Variants in CADPS2 observed in about 807,000 individuals in gnomAD.
The protein encoded by CADPS2 is calcium-dependent secretion activator 2.
CADPS2 carries 93 observed loss-of-function variants against 172.5 expected under a neutral mutation model. That is an observed-to-expected ratio of 0.54 (90% CI 0.46 to 0.64). The LOEUF is 0.64. Ranked by LOEUF, CADPS2 falls within the 30% of genes least tolerant of loss-of-function variation. The pLI is 0.00. For missense variants in CADPS2, 1,420 were observed against 1,565.9 expected (o/e 0.91, Z 1.57); for synonymous variants, 546 against 555.2 (o/e 0.98, Z 0.23).
intron 20 of CADPS2, among the ~76,000 whole-genome samples, chr7:122,398,737 C>CTT (rs1554494767): frequency 2.3e-5 from 3 of 129,768 alleles, no homozygotes; most frequent in Non-Finnish European, 3.3e-5. Context: ...GGAAAACACT[C>CTT]TTCTCTCTCT....
intron 2 of CADPS2, among the ~76,000 whole-genome samples, chr7:122,696,792 A>G (rs2085176562): frequency 6.6e-6 from 1 of 152,176 alleles, no homozygotes; most frequent in Non-Finnish European, 1.5e-5. Flanking sequence ...TATAATTGGG[A>G]AAAACAGTCA....
chr7:122,867,154 C>T (rs1363967462), intron 1 of CADPS2, among the ~76,000 whole-genome samples: 1 of 152,150 alleles, frequency 6.6e-6, no homozygotes, highest in Non-Finnish European at 1.5e-5. Context: ...AAAATAACCA[C>T]TGACACCAAA....
At chr7:122,579,793 T>C (rs35147547) in intron 7 of CADPS2, among the ~76,000 whole-genome samples, 21,978 of 151,970 alleles carry the variant, frequency 0.14, 1,965 homozygotes, top group African/African-American at 0.25. Context: ...CATGACTGAA[T>C]GAGCAGTAAC....
At chr7:122,389,979 C>G (rs1162401230) in intron 22 of CADPS2, among the ~76,000 whole-genome samples, 1 of 151,996 alleles carries the variant, frequency 6.6e-6, no homozygotes, top group Non-Finnish European at 1.5e-5. Flanking sequence ...AAAGGCACCT[C>G]TTGCTCTTGA....
rs368001118 is a variant in CADPS2 at position 122,737,127 on chromosome 7, TATTA to T, written c.340-63_340-60del. 99 of 832,048 alleles carry T rather than the reference TATTA, an allele frequency of 1.2e-4. No individual in the cohort carries two copies. The African/African-American group carries it at 1.3e-3, about 11-fold the overall frequency. 51.5% of individuals were successfully genotyped at this position (832,048 alleles called of 1,614,324 possible). A position where few individuals can be genotyped will look rare whatever the true frequency, so the allele number is the denominator to read the frequency against. Reference sequence around the variant, plus strand: ...GGCCAGTACATGAAAAAATAATGACTATTAAAAATCATATTTGCTGTATATTAGA... The same window carrying T: ...GGCCAGTACATGAAAAAATAATGACTAAAATCATATTTGCTGTATATTAGA... On this transcript the variant is annotated intron_variant, in intron 1 of 29. Coordinates refer to ENST00000449022, the MANE Select transcript of CADPS2 (RefSeq NM_017954.11).
At position 122,731,209 on chromosome 7, in the gene CADPS2, T is replaced by C. The variant is rs141590157; in HGVS notation, c.453+5746A>G. On this transcript the variant is annotated intron_variant, in intron 2 of 29. Coordinates refer to ENST00000449022, the MANE Select transcript of CADPS2 (RefSeq NM_017954.11). ...AAACAGTAAGAAAACTATACATCCTTTCTGAAAAGTTGTGAACAAAGCCAA... is the reference window on the plus strand; with the variant it reads ...AAACAGTAAGAAAACTATACATCCTCTCTGAAAAGTTGTGAACAAAGCCAA... 8.1e-3 allele frequency among the ~76,000 whole-genome samples: 1,234 copies of C among 151,748 alleles called. 19 individuals are homozygous for C. The highest frequency in any genetic ancestry group is 0.029 in the African/African-American group (1,184 of 41,490).
intron 1 of CADPS2, among the ~76,000 whole-genome samples, chr7:122,787,475 C>A (rs1381712137): frequency 2.0e-5 from 3 of 152,190 alleles, no homozygotes; most frequent in South Asian, 2.1e-4. Context: ...TTCTAGATGA[C>A]TGAAGAATTA....
chr7:122,507,093 A>G (rs1384691859), intron 9 of CADPS2, among the ~76,000 whole-genome samples: 1 of 152,156 alleles, frequency 6.6e-6, no homozygotes, highest in Non-Finnish European at 1.5e-5. Flanking sequence ...ATAATAATAA[A>G]CATATAAATG....
At chr7:122,454,721 T>C (rs2053553569) in intron 14 of CADPS2, among the ~76,000 whole-genome samples, 1 of 152,208 alleles carries the variant, frequency 6.6e-6, no homozygotes, top group Non-Finnish European at 1.5e-5. Flanking sequence ...AAACCAGTTA[T>C]ATTTTATGAA....
chr7:122,777,616 G>A (rs1301460980), intron 1 of CADPS2, among the ~76,000 whole-genome samples: 3 of 152,116 alleles, frequency 2.0e-5, no homozygotes, highest in Non-Finnish European at 2.9e-5. Context: ...GAATCATGGA[G>A]GTGGTTACCT....
At chr7:122,338,430 ATAAG>A (rs991608934) in intron 28 of CADPS2, among the ~76,000 whole-genome samples, 7 of 151,882 alleles carry the variant, frequency 4.6e-5, no homozygotes, top group Admixed American at 3.3e-4. Flanking sequence ...AAATAAATAA[ATAAG>A]TAACCTCAAA....
At chr7:122,420,507 G>C (rs1269998445) in intron 17 of CADPS2, among the ~76,000 whole-genome samples, 9 of 152,126 alleles carry the variant, frequency 5.9e-5, no homozygotes, top group Admixed American at 5.2e-4. Flanking sequence ...TCACCCATTT[G>C]GCTAAGGCCA....
At chr7:122,595,932 G>C (rs1257536313) in intron 6 of CADPS2, among the ~76,000 whole-genome samples, 1 of 152,044 alleles carries the variant, frequency 6.6e-6, no homozygotes, top group Admixed American at 6.6e-5. Flanking sequence ...TGCAATGTGA[G>C]GGCTCAAAAC....
At chr7:122,678,730 C>A (rs2082643927) in intron 2 of CADPS2, among the ~76,000 whole-genome samples, 1 of 152,096 alleles carries the variant, frequency 6.6e-6, no homozygotes, top group East Asian at 1.9e-4. Context: ...TCTATAGGAG[C>A]AATTCAGGGA....
chr7:122,668,774 A>G (rs189884973), intron 2 of CADPS2, among the ~76,000 whole-genome samples: 46 of 152,300 alleles, frequency 3.0e-4, no homozygotes, highest in African/African-American at 1.0e-3. Context: ...GTCACTTTTG[A>G]CAGACAAGAT....
chr7:122,814,000 C>CAA (rs1800696379), intron 1 of CADPS2, among the ~76,000 whole-genome samples: 1 of 150,496 alleles, frequency 6.6e-6, no homozygotes, highest in Non-Finnish European at 1.5e-5. Context: ...AATGTGTATA[C>CAA]AAGGACGTAA....
At chr7:122,398,674 G>A (rs1309359777) in intron 20 of CADPS2, among the ~76,000 whole-genome samples, 4 of 151,476 alleles carry the variant, frequency 2.6e-5, no homozygotes, top group African/African-American at 9.7e-5. Flanking sequence ...TATGAATATG[G>A]GCTTCAGGAG....
At chr7:122,835,505 G>A (rs374621775) in intron 1 of CADPS2, among the ~76,000 whole-genome samples, 2 of 152,160 alleles carry the variant, frequency 1.3e-5, no homozygotes, top group African/African-American at 4.8e-5. Context: ...GCAGAAGTTC[G>A]AACCCAACGC....
chr7:122,411,985 C>CAT (rs970785293), intron 19 of CADPS2, among the ~76,000 whole-genome samples: 101 of 152,274 alleles, frequency 6.6e-4, no homozygotes, highest in African/African-American at 2.3e-3. Flanking sequence ...TATCCTCATT[C>CAT]ATATATATTA....
Sources: gnomAD v4.1 joint callset for allele counts (sites outside exome capture counted in the v4.1 genomes callset) on GRCh38, gnomAD v4.1.1 for gene constraint, MANE v1.5 for transcripts, NCBI Gene and HGNC (gene_info 2026-07-23, HGNC 2026-07-21) for gene names.